PITPNA: variants seen among roughly 807,000 people sequenced by gnomAD.
PITPNA encodes phosphatidylinositol transfer protein alpha.
Under a neutral mutation model 50.3 loss-of-function variants are expected in PITPNA, and 13 were observed. That is an observed-to-expected ratio of 0.26 (90% CI 0.17 to 0.41). The LOEUF (loss-of-function observed/expected upper bound fraction) is 0.41, where lower values mean the gene tolerates loss of function less well. Ranked by LOEUF, PITPNA falls within the 10% of genes least tolerant of loss-of-function variation. The pLI is 1.00. For missense variants in PITPNA, 207 were observed against 333.4 expected, an observed-to-expected ratio of 0.62 and a Z score of 2.95; for synonymous variants, 120 against 119.6, an observed-to-expected ratio of 1.00 and a Z score of -0.02.
At chr17:1,543,485 C>T (rs919302808) in intron 4 of PITPNA, among the ~76,000 whole-genome samples, 2 of 152,190 alleles carry the variant, frequency 1.3e-5, no homozygotes, top group Non-Finnish European at 2.9e-5. Flanking sequence ...ACCTCCCAGG[C>T]TCTGCACTCC....
chr17:1,543,457 T>C (rs1325032901), intron 4 of PITPNA, among the ~76,000 whole-genome samples: 2 of 152,252 alleles, frequency 1.3e-5, no homozygotes, highest in East Asian at 3.9e-4. Context: ...CCTGCACCCT[T>C]CCTCTCGCTG....
At chr17:1,550,119 G>A (rs899324605) in intron 3 of PITPNA, among the ~76,000 whole-genome samples, 2 of 152,198 alleles carry the variant, frequency 1.3e-5, no homozygotes, top group African/African-American at 2.4e-5. Context: ...TGTGATTCAC[G>A]AACTCACTGC....
intron 3 of PITPNA, among the ~76,000 whole-genome samples, chr17:1,548,958 G>C (rs1456773636): frequency 1.3e-5 from 2 of 152,184 alleles, no homozygotes; most frequent in African/African-American, 2.4e-5. Flanking sequence ...CTGGAGTGCA[G>C]TGCTGCGATC....
In PITPNA at chr17:1,562,440, C is replaced by T; in HGVS notation, c.20+101G>A. On this transcript the variant is annotated intron_variant, in intron 1 of 11. Transcript: ENST00000313486. This position sits in a 1 kb window ranked among gnomAD's most constrained non-coding sequence, Gnocchi z 6.4. ...TCAGGCACCCTCCGTCCCTGCTGCC[C>T]CTCCGTCCATCCGGGCCCTGCGTCC... is the stretch of plus-strand genomic sequence containing the variant. 1 of 997,770 alleles carries T rather than the reference C, an allele frequency of 1.0e-6. No individual in the cohort carries two copies. Among genetic ancestry groups the T allele is most frequent in the Non-Finnish European group, 1.4e-6 (1 of 722,772 alleles). The allele number at this position is 997,770 out of a possible 1,614,324, so 61.8% of individuals were successfully genotyped here.
intron 1 of PITPNA, chr17:1,561,065 C>T (rs1291063830): frequency 6.6e-6 from 1 of 152,402 alleles, no homozygotes; most frequent in African/African-American, 2.4e-5. Context: ...CCATCTCCCA[C>T]TCCTGGGGCT....
rs2075538800 is a variant in PITPNA at position 1,524,963 on chromosome 17, C to T, written c.769-3318G>A. ...GATGAAAATTACTGGAGACGCGGTT[C>T]CAAATGCTGTTTATGTTATAGAATA... On this transcript the variant is annotated intron_variant, in intron 10 of 11. Transcript: ENST00000313486. 4.6e-5 allele frequency among the ~76,000 whole-genome samples: 7 copies of T among 151,976 alleles called. No individual in the cohort carries two copies. In the South Asian group the frequency reaches 1.5e-3, roughly 32 times the overall value.
At position 1,542,914 on chromosome 17, in the gene PITPNA, A is replaced by T. The variant is rs146055631; in HGVS notation, c.297+106T>A. The T allele has an allele frequency of 5.4e-4, 453 of 844,858 alleles. 1 individual carries two copies. The African/African-American group carries it at 7.1e-3, about 13-fold the overall frequency. 52.3% of individuals were successfully genotyped at this position (844,858 alleles called of 1,614,324 possible). A position where few individuals can be genotyped will look rare whatever the true frequency, so the allele number is the denominator to read the frequency against. On this transcript the variant is annotated intron_variant, in intron 5 of 11. Transcript: ENST00000313486. ...CAGGACTGAGCCTCAGCAACTCCAA[A>T]CATCAGCCAAGGGAAAGAACACCCA...
chr17:1,558,679 C>T (rs375707880), intron 1 of PITPNA, 120 bp from the exon 2 acceptor site: 45 of 722,018 alleles, frequency 6.2e-5, no homozygotes, highest in South Asian at 1.4e-4. Context: ...AATTCAGTGA[C>T]GAAAACCCCA....
At chr17:1,533,190 C>T (rs148422169) in intron 10 of PITPNA, among the ~76,000 whole-genome samples, 68 of 152,290 alleles carry the variant, frequency 4.5e-4, no homozygotes, top group African/African-American at 1.6e-3. Flanking sequence ...GAGCTTCCTG[C>T]CTTATCATAT....
chr17:1,544,960 T>C (rs1281357041), intron 4 of PITPNA, among the ~76,000 whole-genome samples: 2 of 151,890 alleles, frequency 1.3e-5, no homozygotes, highest in African/African-American at 2.4e-5. Context: ...ACCACTGTAC[T>C]CCAGCCTGGG....
intron 6 of PITPNA, 90 bp from the exon 7 acceptor site, chr17:1,539,042 C>T (rs2075633836): frequency 2.3e-5 from 17 of 733,504 alleles, no homozygotes; most frequent in Non-Finnish European, 3.9e-5. Flanking sequence ...CTGCCATTCC[C>T]ATAGCCACAG....
chr17:1,530,855 G>A (rs750640556), intron 10 of PITPNA, among the ~76,000 whole-genome samples: 1 of 152,216 alleles, frequency 6.6e-6, no homozygotes, highest in Non-Finnish European at 1.5e-5. Context: ...TAAGTGCCTG[G>A]AGGATGGAGA....
rs1389427125 is a variant in PITPNA, at chr17:1,562,338, G to A, written c.20+203C>T. ...GCCCCGGCCGCCCCTCCACGCCCCG[G>A]CCGCCCCTCCGTGCCCCGTGGGCCC... On this transcript the variant is annotated intron_variant, in intron 1 of 11. Coordinates refer to ENST00000313486, the MANE Select transcript of PITPNA (RefSeq NM_006224.4). The surrounding 1 kb of genome is among the most constrained non-coding windows in gnomAD (Gnocchi z 6.4). 6.7e-6 allele frequency among the ~76,000 whole-genome samples: 1 copy of A among 148,884 alleles called. No homozygotes were observed. Among genetic ancestry groups the A allele is most frequent in the Non-Finnish European group, 1.5e-5 (1 of 67,096 alleles).
intron 2 of PITPNA, among the ~76,000 whole-genome samples, chr17:1,556,263 C>G (rs17821288): frequency 6.6e-6 from 1 of 152,154 alleles, no homozygotes; most frequent in Non-Finnish European, 1.5e-5. Flanking sequence ...TTGCTGAGAA[C>G]GGGCTGACCA....
chr17:1,549,128 G>T (rs987648086), intron 3 of PITPNA, among the ~76,000 whole-genome samples: 3 of 151,664 alleles, frequency 2.0e-5, no homozygotes, highest in Non-Finnish European at 4.4e-5. Flanking sequence ...GGCTGGTCTT[G>T]AACTCCTGAC....
intron 7 of PITPNA, among the ~76,000 whole-genome samples, chr17:1,537,385 G>C (rs2151007121): frequency 6.6e-6 from 1 of 152,242 alleles, no homozygotes; most frequent in East Asian, 1.9e-4. Context: ...TTTTAGTAGA[G>C]ACGGGGTTTC....
chr17:1,547,951 G>A (rs2075686198), intron 4 of PITPNA, among the ~76,000 whole-genome samples: 1 of 152,116 alleles, frequency 6.6e-6, no homozygotes, highest in Non-Finnish European at 1.5e-5. Context: ...CCGAGATCAC[G>A]CCACTGTGCT....
chr17:1,535,050 C>T, intron 9 of PITPNA, 132 bp downstream of exon 9: 3 of 604,344 alleles, frequency 5.0e-6, no homozygotes, highest in Non-Finnish European at 9.1e-6. Flanking sequence ...TTCTCCACCA[C>T]CCCCCACCGC....
intron 2 of PITPNA, 69 bp downstream of exon 2, chr17:1,558,460 A>G (rs1325775532): frequency 2.1e-6 from 2 of 950,440 alleles, no homozygotes; most frequent in African/African-American, 1.6e-5. Context: ...ATAACCACTC[A>G]GAGCCCAGCT....
Sources: gnomAD v4.1 joint callset for allele counts (sites outside exome capture counted in the v4.1 genomes callset) on GRCh38, gnomAD v4.1.1 for gene constraint, Gnocchi (gnomAD v3.1) non-coding constraint, MANE v1.5 for transcripts, NCBI Gene and HGNC (gene_info 2026-07-23, HGNC 2026-07-21) for gene names.